CSMD1: variants seen among roughly 807,000 people sequenced by gnomAD.
CSMD1 encodes CUB and sushi domain-containing protein 1.
CSMD1 carries 213 observed loss-of-function variants against 417.5 expected under a neutral mutation model. The ratio of observed to expected loss-of-function variants is 0.51; its 90% CI spans 0.46 to 0.57. CSMD1 has a LOEUF of 0.57. Among genes scored for constraint, CSMD1 ranks in the 20% least tolerant of loss-of-function variants. The pLI is 0.00. For missense variants in CSMD1, 6,923 were observed against 4,529.7 expected (o/e 1.53, Z -15.17); for synonymous variants, 2,862 against 1,736.8 (o/e 1.65, Z -16.11).
chr8:4,835,125 C>A (rs907176316), intron 1 of CSMD1, among the ~76,000 whole-genome samples: 1 of 151,740 alleles, frequency 6.6e-6, no homozygotes, highest in Non-Finnish European at 1.5e-5. Context: ...ATTATTAAGG[C>A]GGCAACTCTA....
chr8:3,006,210 T>G (rs1323949260), intron 52 of CSMD1, among the ~76,000 whole-genome samples: 1 of 151,790 alleles, frequency 6.6e-6, no homozygotes, highest in Admixed American at 6.6e-5. Context: ...GAATCCAATT[T>G]ACAAGGGATG....
chr8:3,158,417 T>G (rs1218336185), intron 38 of CSMD1, among the ~76,000 whole-genome samples: 1 of 152,012 alleles, frequency 6.6e-6, no homozygotes, highest in Admixed American at 6.5e-5. Context: ...GGTGGTTGTC[T>G]GTGCTTCCGC....
chr8:4,467,554 AAAAT>A (rs1800258115), intron 2 of CSMD1, among the ~76,000 whole-genome samples: 1 of 152,202 alleles, frequency 6.6e-6, no homozygotes, highest in East Asian at 1.9e-4. Context: ...AACCTGTTGA[AAAAT>A]TGTTATTTTA....
Position 3,468,646 on chromosome 8 carries a change from C to T in CSMD1, c.1561+66G>A. 6.2e-6 allele frequency: 6 copies of T among 973,876 alleles called. No individual in the cohort carries two copies. The East Asian group carries it at 1.4e-4, about 22-fold the overall frequency. 60.3% of individuals were successfully genotyped at this position (973,876 alleles called of 1,614,324 possible). On this transcript the variant is annotated intron_variant, in intron 12 of 69. Coordinates refer to ENST00000635120, the MANE Select transcript of CSMD1 (RefSeq NM_033225.6). Reference sequence around the variant, plus strand: ...TGATTTTACTTCTACCTAACCAACACAGAATGCTCTCTGCCCTCTCTTGGA... The same window carrying T: ...TGATTTTACTTCTACCTAACCAACATAGAATGCTCTCTGCCCTCTCTTGGA...
At chr8:4,589,218 A>G (rs193195921) in intron 2 of CSMD1, among the ~76,000 whole-genome samples, 1 of 152,266 alleles carries the variant, frequency 6.6e-6, no homozygotes, top group Admixed American at 6.5e-5. Flanking sequence ...ATGTAAAAGA[A>G]CTACATTTTT....
At chr8:4,833,115 A>C (rs560410499) in intron 1 of CSMD1, among the ~76,000 whole-genome samples, 76 of 152,308 alleles carry the variant, frequency 5.0e-4, no homozygotes, top group African/African-American at 1.7e-3. Flanking sequence ...GTTTTCATTT[A>C]TTCGTCATTC....
intron 30 of CSMD1, among the ~76,000 whole-genome samples, chr8:3,208,308 C>G (rs1030039415): frequency 2.0e-5 from 3 of 152,118 alleles, no homozygotes; most frequent in African/African-American, 7.2e-5. Context: ...CGCTCTGTCA[C>G]CAGGCTGGAG....
At chr8:3,606,632 G>A (rs1331730163) in intron 8 of CSMD1, among the ~76,000 whole-genome samples, 1 of 151,940 alleles carries the variant, frequency 6.6e-6, no homozygotes, top group Non-Finnish European at 1.5e-5. Flanking sequence ...GTATCCTTGG[G>A]CCACTATAAA....
At chr8:4,743,786 C>T (rs747775113) in intron 1 of CSMD1, among the ~76,000 whole-genome samples, 4 of 152,140 alleles carry the variant, frequency 2.6e-5, no homozygotes, top group Admixed American at 6.5e-5. Flanking sequence ...ACTTGAGAGG[C>T]CTTCGATACC....
intron 3 of CSMD1, among the ~76,000 whole-genome samples, chr8:4,405,503 C>G (rs1203933201): frequency 6.6e-6 from 1 of 152,076 alleles, no homozygotes; most frequent in Non-Finnish European, 1.5e-5. Context: ...ATGTGCAACA[C>G]CCAGCACAGC....
At chr8:3,456,205 C>T in intron 12 of CSMD1, among the ~76,000 whole-genome samples, 1 of 152,182 alleles carries the variant, frequency 6.6e-6, no homozygotes, top group East Asian at 1.9e-4. Flanking sequence ...CAGGTGCCGT[C>T]TGTCACCCCT....
At chr8:3,665,775 G>C (rs1372804192) in intron 7 of CSMD1, among the ~76,000 whole-genome samples, 1 of 152,190 alleles carries the variant, frequency 6.6e-6, no homozygotes, top group African/African-American at 2.4e-5. Context: ...GCAGTAGCTT[G>C]AAGCTGAGGC....
intron 1 of CSMD1, among the ~76,000 whole-genome samples, chr8:4,728,137 C>A (rs559453145): frequency 6.9e-6 from 1 of 145,930 alleles, no homozygotes; most frequent in East Asian, 2.0e-4. Flanking sequence ...TAAGATCATA[C>A]CTATATATCA....
chr8:4,223,202 C>A (rs149367124), intron 3 of CSMD1, among the ~76,000 whole-genome samples: 1 of 152,068 alleles, frequency 6.6e-6, no homozygotes, highest in Admixed American at 6.5e-5. Context: ...TTCTGCACCC[C>A]GAGAAAAGCC....
At chr8:4,161,746 T>A (rs576420398) in intron 3 of CSMD1, among the ~76,000 whole-genome samples, 4 of 152,336 alleles carry the variant, frequency 2.6e-5, no homozygotes, top group Non-Finnish European at 4.4e-5. Context: ...TTACTGATTC[T>A]GGAACCAGTT....
chr8:3,479,819 T>G (rs566063816), intron 11 of CSMD1, among the ~76,000 whole-genome samples: 1 of 152,098 alleles, frequency 6.6e-6, no homozygotes, highest in South Asian at 2.1e-4. Flanking sequence ...CCAGGTCGCT[T>G]AAAAATGCTT....
intron 10 of CSMD1, 101 bp downstream of exon 10, chr8:3,574,844 A>T: frequency 7.5e-7 from 1 of 1,324,590 alleles, no homozygotes; most frequent in East Asian, 2.4e-5. Flanking sequence ...CAAACAGTAA[A>T]GTGTAAGCAC....
intron 9 of CSMD1, among the ~76,000 whole-genome samples, chr8:3,581,703 C>G (rs142718432): frequency 6.6e-6 from 1 of 152,124 alleles, no homozygotes; most frequent in African/African-American, 2.4e-5. Context: ...ATTTCATAGA[C>G]GGTTGAGTTG....
intron 3 of CSMD1, among the ~76,000 whole-genome samples, chr8:4,307,912 G>T (rs538381413): frequency 6.6e-5 from 10 of 152,248 alleles, no homozygotes; most frequent in African/African-American, 2.2e-4. Flanking sequence ...CACGTTTTTA[G>T]CAAGAGGACC....
Sources: gnomAD v4.1 joint callset for allele counts (sites outside exome capture counted in the v4.1 genomes callset) on GRCh38, gnomAD v4.1.1 for gene constraint, MANE v1.5 for transcripts, NCBI Gene and HGNC (gene_info 2026-07-23, HGNC 2026-07-21) for gene names.